Variants in SUCLA2 observed in about 807,000 individuals in gnomAD.
SUCLA2 encodes the protein succinate--CoA ligase [ADP-forming] subunit beta, mitochondrial.
A neutral mutation model predicts 54.8 loss-of-function variants in SUCLA2; 30 were observed. That is an observed-to-expected ratio of 0.55 (90% CI 0.41 to 0.74). SUCLA2 has a LOEUF of 0.74. Ranked by LOEUF, SUCLA2 falls within the 30% of genes least tolerant of loss-of-function variation. The pLI, the probability that SUCLA2 is intolerant of heterozygous loss-of-function variation, is 0.00. For synonymous variants in SUCLA2, 172 were observed against 188.9 expected (o/e 0.91, Z 0.74); for missense variants, 476 against 562.9 (o/e 0.85, Z 1.56).
chr13:47,973,445 T>G lies in SUCLA2; in HGVS notation c.535-53A>C, dbSNP rs1278209814. The G allele has an allele frequency of 4.4e-6, 7 of 1,598,662 alleles. 1 individual carries two copies. In the South Asian group the frequency reaches 7.7e-5, roughly 18 times the overall value. The stretch of plus-strand genomic sequence containing the variant: ...TCTAGATTTATTTTAGACTCATCAA[T>G]GAAACTTTAAAACCTACCCGTGCAT... On this transcript the variant is annotated intron_variant, in intron 4 of 10. Coordinates refer to ENST00000646932, the MANE Select transcript of SUCLA2 (RefSeq NM_003850.3).
At chr13:47,977,134 T>G (rs575888857) in intron 4 of SUCLA2, among the ~76,000 whole-genome samples, 1 of 152,112 alleles carries the variant, frequency 6.6e-6, no homozygotes, top group African/African-American at 2.4e-5. Context: ...ATTACAGCTG[T>G]CACAGAAAGA....
intron 6 of SUCLA2, among the ~76,000 whole-genome samples, chr13:47,964,385 T>C (rs1949898559): frequency 1.3e-5 from 2 of 152,204 alleles, no homozygotes; most frequent in African/African-American, 4.8e-5. Flanking sequence ...ATCTTGATTG[T>C]GGTAGTGGCT....
rs771715336 is a variant in SUCLA2 at position 47,949,485 on chromosome 13, TGTAACC to T, written c.1220_1225del (p.Arg407_Leu408del). ...TGCAAGATACCTTTTATACTCACCT[TGTAACC>T]GTACCACAACAGGTATTTTAATTTC... On this transcript the variant is annotated inframe_deletion, in exon 9 of 11. Transcript: ENST00000646932. The T allele has an allele frequency of 1.2e-6, 2 of 1,613,414 alleles. No homozygotes were observed. The highest frequency in any genetic ancestry group is 1.7e-6 in the Non-Finnish European group (2 of 1,179,610).
chr13:47,948,752 G>C (rs115548571), intron 10 of SUCLA2, among the ~76,000 whole-genome samples, 188 bp downstream of exon 10: 1 of 152,086 alleles, frequency 6.6e-6, no homozygotes, highest in Non-Finnish European at 1.5e-5. Context: ...TATGCTTATT[G>C]CAACAGTCCC....
Position 47,954,485 on chromosome 13 carries a change from T to A in SUCLA2, c.875A>T (p.Gln292Leu). 6.2e-7 allele frequency: 1 copy of A among 1,613,964 alleles called. No individual in the cohort carries two copies. The highest frequency in any genetic ancestry group is 8.5e-7 in the Non-Finnish European group (1 of 1,179,880). ...CCTTTCATCTTCCTGGGTCCAGTCC[T>A]GTAGATCAAAGATTTTCTTTTGGCG... is the stretch of plus-strand genomic sequence containing the variant. ...AYRQKKIFDL[Q>L]DWTQEDERDK... The change falls in exon 7 of 11, where the codon CAG becomes CTG. Residue 292 changes from glutamine to leucine, a missense_variant. This residue lies in a region of SUCLA2 where 342 missense variants were observed against 444.2 expected (regional missense o/e 0.77). Transcript: ENST00000646932.
rs1413210033 is a variant in SUCLA2, at chr13:47,948,928, T to C, written c.1317+12A>G. 2.5e-6 allele frequency: 4 copies of C among 1,612,954 alleles called. No individual in the cohort carries two copies. The highest frequency in any genetic ancestry group is 1.3e-5 in the African/African-American group (1 of 74,884). ...TTTATAAATCCTCCTTAGATGAACA[T>C]GGCCAATTTACCATTCTAGCAGCTT... On this transcript the variant is annotated intron_variant, in intron 10 of 10. Transcript: ENST00000646932.
chr13:47,947,253 T>C (rs1229957996), intron 10 of SUCLA2, among the ~76,000 whole-genome samples: 1 of 149,536 alleles, frequency 6.7e-6, no homozygotes, highest in Non-Finnish European at 1.5e-5. Flanking sequence ...TGTGTATGCA[T>C]GTGTATGCAC....
intron 10 of SUCLA2, among the ~76,000 whole-genome samples, chr13:47,946,439 C>CA (rs762233828): frequency 2.7e-4 from 40 of 145,502 alleles, no homozygotes; most frequent in African/African-American, 7.8e-4. Context: ...AAAAAACAAA[C>CA]AAAAAAAAAA....
At chr13:47,973,523 G>A (rs1949985019) in intron 4 of SUCLA2, 131 bp from the exon 5 acceptor site, 1 of 1,016,250 alleles carries the variant, frequency 9.8e-7, no homozygotes, top group Non-Finnish European at 1.5e-6. Flanking sequence ...AAATTTTCTT[G>A]AGAATTTATC....
intron 8 of SUCLA2, among the ~76,000 whole-genome samples, chr13:47,950,476 A>AT (rs1371717038): frequency 6.6e-6 from 1 of 152,122 alleles, no homozygotes; most frequent in Non-Finnish European, 1.5e-5. Flanking sequence ...AACAATCCCC[A>AT]TCAATGTAAT....
chr13:47,972,047 T>A, intron 5 of SUCLA2: 1 of 390,028 alleles, frequency 2.6e-6, no homozygotes, highest in South Asian at 1.4e-4. Context: ...TGTCAGGAGT[T>A]CAAGACCAGC....
chr13:47,983,274 T>C (rs529058797), intron 4 of SUCLA2, among the ~76,000 whole-genome samples: 30 of 152,344 alleles, frequency 2.0e-4, no homozygotes, highest in African/African-American at 7.0e-4. Context: ...GTTTTCTCTC[T>C]AGCAAGGCAG....
intron 2 of SUCLA2, 122 bp from the exon 3 acceptor site, chr13:47,989,103 C>T: frequency 1.0e-6 from 1 of 970,732 alleles, no homozygotes; most frequent in South Asian, 1.4e-5. Flanking sequence ...TTCACAATGT[C>T]CAAAAATAAG....
chr13:47,947,296 CA>C (rs1949739406), intron 10 of SUCLA2, among the ~76,000 whole-genome samples: 2 of 151,582 alleles, frequency 1.3e-5, no homozygotes, highest in South Asian at 2.1e-4. Flanking sequence ...CACACACACA[CA>C]CACCTGAAAA....
intron 6 of SUCLA2, among the ~76,000 whole-genome samples, chr13:47,967,473 A>G: frequency 6.6e-6 from 1 of 152,204 alleles, no homozygotes; most frequent in East Asian, 1.9e-4. Context: ...ACCCAAAAGA[A>G]AAAAACAGAA....
chr13:47,943,275 C>T lies in SUCLA2; in HGVS notation c.*96G>A. 7.9e-7 allele frequency: 1 copy of T among 1,259,964 alleles called. No individual in the cohort carries two copies. Among genetic ancestry groups the T allele is most frequent in the Non-Finnish European group, 1.2e-6 (1 of 860,378 alleles). The allele number at this position is 1,259,964 out of a possible 1,614,324, so 78.0% of individuals were successfully genotyped here. A position where few individuals can be genotyped will look rare whatever the true frequency, so the allele number is the denominator to read the frequency against. On this transcript the variant is annotated 3_prime_UTR_variant, in exon 11 of 11. Transcript: ENST00000646932. ...GTGCCTAGATGGCAATTACAATCTC[C>T]ACACACTAAAAAGAAAAAGAACAAT...
intron 2 of SUCLA2, among the ~76,000 whole-genome samples, chr13:47,992,352 T>C (rs554942305): frequency 3.0e-4 from 26 of 88,028 alleles, no homozygotes; most frequent in Non-Finnish European, 5.9e-4. Flanking sequence ...TCTTCGAAAG[T>C]TCCTTCTAAA....
intron 6 of SUCLA2, among the ~76,000 whole-genome samples, chr13:47,964,362 T>C (rs1949898276): frequency 6.6e-6 from 1 of 152,180 alleles, no homozygotes; most frequent in South Asian, 2.1e-4. Context: ...CCTGTGTTGA[T>C]GGAACAGTCT....
At chr13:47,959,413 AGAGGGAGAAGGAG>A (rs1179898969) in intron 6 of SUCLA2, among the ~76,000 whole-genome samples, 55 of 142,872 alleles carry the variant, frequency 3.8e-4, no homozygotes, top group African/African-American at 1.2e-3. Flanking sequence ...AGAAGAAGGG[AGAGGGAGAAGGAG>A]GAGGGAGAAG....
Sources: allele counts gnomAD v4.1 joint callset (sites outside exome capture counted in the v4.1 genomes callset), GRCh38; gene constraint gnomAD v4.1.1; regional missense constraint gnomAD v4.1.1; transcripts MANE v1.5; gene names NCBI Gene and HGNC (gene_info 2026-07-23, HGNC 2026-07-21).